The following DOCK3 variants were observed in gnomAD, a reference collection of about 807,000 sequenced individuals.
DOCK3 encodes dedicator of cytokinesis 3, also known as dedicator of cytokinesis protein 3.
Under a neutral mutation model 265.6 loss-of-function variants are expected in DOCK3, and 60 were observed. That is an observed-to-expected ratio of 0.23 (90% CI 0.18 to 0.28). DOCK3 has a LOEUF of 0.28. DOCK3 is among the 10% of genes least tolerant of loss of function. DOCK3 has a pLI of 1.00. For synonymous variants in DOCK3, 881 were observed against 938.0 expected, an observed-to-expected ratio of 0.94 and a Z score of 1.11; for missense variants, 1,981 against 2,594.3, an observed-to-expected ratio of 0.76 and a Z score of 5.14.
At chr3:51,101,934 GA>G (rs1282777535) in intron 9 of DOCK3, among the ~76,000 whole-genome samples, 1 of 152,148 alleles carries the variant, frequency 6.6e-6, no homozygotes, top group East Asian at 1.9e-4. Flanking sequence ...AGCTTTTCCA[GA>G]GTTGGGGATA....
chr3:51,303,142 G>A (rs1469506078), intron 27 of DOCK3, among the ~76,000 whole-genome samples: 2 of 148,472 alleles, frequency 1.3e-5, no homozygotes, highest in Admixed American at 6.7e-5. Context: ...ATCTTGTCTT[G>A]CCTTATTTCA....
intron 32 of DOCK3, among the ~76,000 whole-genome samples, chr3:51,319,215 G>A (rs568456630): frequency 6.6e-6 from 1 of 152,204 alleles, no homozygotes; most frequent in South Asian, 2.1e-4. Context: ...CTAGCTCTAA[G>A]TTTTTTATAG....
chr3:50,921,557 C>T (rs534340313), intron 4 of DOCK3, among the ~76,000 whole-genome samples: 5 of 152,216 alleles, frequency 3.3e-5, no homozygotes, highest in South Asian at 2.1e-4. Flanking sequence ...TCTCTCAACT[C>T]GTCAAAGTCA....
intron 1 of DOCK3, among the ~76,000 whole-genome samples, chr3:50,771,236 C>T (rs1350457052): frequency 6.6e-6 from 1 of 152,030 alleles, no homozygotes; most frequent in Non-Finnish European, 1.5e-5. Flanking sequence ...ATAAGGAGCT[C>T]AAACAACTCT....
At chr3:51,250,246 G>A (rs2079130813) in intron 22 of DOCK3, among the ~76,000 whole-genome samples, 2 of 144,744 alleles carry the variant, frequency 1.4e-5, no homozygotes, top group Non-Finnish European at 3.0e-5. Flanking sequence ...CCCCCTCTGT[G>A]AGAAACACCC....
chr3:50,782,047 C>T (rs2041941996), intron 2 of DOCK3, among the ~76,000 whole-genome samples: 3 of 152,102 alleles, frequency 2.0e-5, no homozygotes, highest in African/African-American at 7.2e-5. Flanking sequence ...TAGATTGATT[C>T]CATGTCTTTG....
At chr3:51,276,474 T>C in intron 25 of DOCK3, 1 of 977,806 alleles carries the variant, frequency 1.0e-6, no homozygotes, top group African/African-American at 1.7e-5. Context: ...GGTTTGGTTG[T>C]GTTTGTGGGG....
chr3:51,345,622 C>CA (rs58519353), intron 38 of DOCK3, among the ~76,000 whole-genome samples: 12,736 of 151,478 alleles, frequency 0.084, 1,189 homozygotes, highest in East Asian at 0.34. Flanking sequence ...ACCTTGTTTC[C>CA]AAAAAAAACA....
chr3:51,148,169 C>A (rs1471079843), intron 10 of DOCK3, among the ~76,000 whole-genome samples: 1 of 152,144 alleles, frequency 6.6e-6, no homozygotes, highest in Non-Finnish European at 1.5e-5. Context: ...ATATCCTTTG[C>A]CAACTTTTTG....
chr3:51,371,122 A>G (rs909629069), intron 49 of DOCK3, among the ~76,000 whole-genome samples: 1 of 152,202 alleles, frequency 6.6e-6, no homozygotes, highest in African/African-American at 2.4e-5. Context: ...GTCAACCCAG[A>G]TACCAGAAAG....
chr3:50,874,914 C>T (rs1230220412), intron 3 of DOCK3, among the ~76,000 whole-genome samples: 1 of 152,012 alleles, frequency 6.6e-6, no homozygotes, highest in Non-Finnish European at 1.5e-5. Context: ...TTTGCAGGCA[C>T]ACGGATGAAG....
chr3:51,348,171 AGCCTTCTC>A (rs2085727495), intron 38 of DOCK3, among the ~76,000 whole-genome samples: 1 of 152,220 alleles, frequency 6.6e-6, no homozygotes, highest in Non-Finnish European at 1.5e-5. Flanking sequence ...AGGCCACTGC[AGCCTTCTC>A]TCAGGCTGTT....
chr3:50,832,099 CAA>C (rs1481419154), intron 2 of DOCK3, among the ~76,000 whole-genome samples: 4 of 152,090 alleles, frequency 2.6e-5, no homozygotes, highest in Admixed American at 6.6e-5. Context: ...CTGACAAAAA[CAA>C]GTAATGGGGA....
chr3:50,746,068 T>G (rs2039416809), intron 1 of DOCK3, among the ~76,000 whole-genome samples: 2 of 152,050 alleles, frequency 1.3e-5, no homozygotes, highest in Non-Finnish European at 2.9e-5. Context: ...CTTTTTACAG[T>G]CTCATTCAAA....
At chr3:50,890,324 G>T (rs529145828) in intron 4 of DOCK3, among the ~76,000 whole-genome samples, 1 of 152,186 alleles carries the variant, frequency 6.6e-6, no homozygotes, top group African/African-American at 2.4e-5. Flanking sequence ...TAGGCATGCA[G>T]TATGTTTTAA....
At chr3:50,760,695 G>T (rs2675775) in intron 1 of DOCK3, among the ~76,000 whole-genome samples, 2 of 152,168 alleles carry the variant, frequency 1.3e-5, no homozygotes, top group Admixed American at 1.3e-4. Context: ...ATGTAACCAC[G>T]TTGTTAGTCG....
At chr3:51,127,326 G>A (rs1438915717) in intron 9 of DOCK3, among the ~76,000 whole-genome samples, 2 of 152,068 alleles carry the variant, frequency 1.3e-5, no homozygotes, top group African/African-American at 4.8e-5. Flanking sequence ...ATCCAATCAA[G>A]TTGACACTCA....
intron 12 of DOCK3, among the ~76,000 whole-genome samples, chr3:51,168,369 G>A (rs1285906352): frequency 6.6e-6 from 1 of 152,196 alleles, no homozygotes; most frequent in Non-Finnish European, 1.5e-5. Flanking sequence ...AACCAAAACA[G>A]CATGGTACTG....
intron 5 of DOCK3, among the ~76,000 whole-genome samples, chr3:51,039,883 CT>C (rs60370676): frequency 0.061 from 6,062 of 99,734 alleles, 238 homozygotes; most frequent in African/African-American, 0.12. Flanking sequence ...GCTTTGAGGT[CT>C]TTTTTTTTTT....
Sources: allele counts gnomAD v4.1 joint callset (sites outside exome capture counted in the v4.1 genomes callset), GRCh38; gene constraint gnomAD v4.1.1; transcripts MANE v1.5; gene names NCBI Gene and HGNC (gene_info 2026-07-23, HGNC 2026-07-21).